Variants in RNF144A observed in about 807,000 individuals in gnomAD.
RNF144A encodes the protein ring finger protein 144A.
In RNF144A, 11 loss-of-function variants were observed where a neutral mutation model predicts 38.7. The observed-to-expected ratio is 0.28, with a 90% CI of 0.18 to 0.47. The LOEUF (loss-of-function observed/expected upper bound fraction) is 0.47. Ranked by LOEUF, RNF144A falls within the 20% of genes least tolerant of loss-of-function variation. The probability of loss-of-function intolerance (pLI) is 0.99; values close to 1 mark genes in which losing one functional copy is unlikely to be tolerated. For synonymous variants in RNF144A, 149 were observed against 143.9 expected (o/e 1.04, Z -0.25); for missense variants, 316 against 377.2 (o/e 0.84, Z 1.34).
At chr2:6,960,779 C>T (rs908361621) in intron 2 of RNF144A, among the ~76,000 whole-genome samples, 12 of 152,206 alleles carry the variant, frequency 7.9e-5, no homozygotes, top group Admixed American at 3.3e-4. Context: ...TCTCCTTCAC[C>T]GCAGACAGGC....
chr2:6,983,825 C>G (rs1335282936), intron 2 of RNF144A, among the ~76,000 whole-genome samples: 1 of 152,214 alleles, frequency 6.6e-6, no homozygotes, highest in Non-Finnish European at 1.5e-5. Flanking sequence ...CCCCAGATGT[C>G]TCAGATGGCA....
chr2:6,949,460 T>C (rs1572247508), intron 2 of RNF144A, among the ~76,000 whole-genome samples: 1 of 148,152 alleles, frequency 6.7e-6, no homozygotes, highest in Non-Finnish European at 1.5e-5. Flanking sequence ...AGAGAATAAA[T>C]TGAAAGTGCA....
At chr2:7,028,633 A>G (rs1672079219) in intron 7 of RNF144A, among the ~76,000 whole-genome samples, 1 of 152,220 alleles carries the variant, frequency 6.6e-6, no homozygotes, top group African/African-American at 2.4e-5. Flanking sequence ...TGGAAAATGG[A>G]GACATACAAA....
chr2:7,070,060 A>G (rs551938681), downstream of RNF144A, among the ~76,000 whole-genome samples: 2 of 152,226 alleles, frequency 1.3e-5, no homozygotes, highest in East Asian at 1.9e-4. Context: ...GGATGTCCCA[A>G]TATTAACCAG....
intron 2 of RNF144A, among the ~76,000 whole-genome samples, chr2:6,942,300 A>C (rs1666048653): frequency 1.3e-5 from 2 of 152,064 alleles, no homozygotes; most frequent in South Asian, 4.2e-4. Flanking sequence ...GCTAGAGTCC[A>C]GGATACCATC....
chr2:6,948,348 CAGAGGTCT>C (rs1447262035), intron 2 of RNF144A, among the ~76,000 whole-genome samples: 8 of 152,312 alleles, frequency 5.3e-5, no homozygotes, highest in South Asian at 2.1e-4. Flanking sequence ...GGATCCTGCC[CAGAGGTCT>C]AGGGACACAT....
At chr2:6,928,556 C>T (rs1270018785) in intron 1 of RNF144A, among the ~76,000 whole-genome samples, 1 of 152,206 alleles carries the variant, frequency 6.6e-6, no homozygotes, top group Non-Finnish European at 1.5e-5. Flanking sequence ...AGACGTGCCC[C>T]CAGGCCACCA....
intron 1 of RNF144A, among the ~76,000 whole-genome samples, chr2:6,929,024 A>G (rs1665054641): frequency 6.6e-6 from 1 of 152,210 alleles, no homozygotes; most frequent in Admixed American, 6.5e-5. Context: ...CTTGGTGCCA[A>G]GGGCCTTTGA....
chr2:7,019,569 A>G (rs1041128926), intron 5 of RNF144A, among the ~76,000 whole-genome samples: 2 of 152,200 alleles, frequency 1.3e-5, no homozygotes, highest in African/African-American at 4.8e-5. Context: ...ACGCCTTTGG[A>G]AATAGCCCAC....
At chr2:7,062,975 C>G (rs933770884) in intron 6 of RNF144A, 1 of 152,154 alleles carries the variant, frequency 6.6e-6, no homozygotes, top group African/African-American at 2.4e-5. Context: ...ATATTTTTGA[C>G]CTGAGTACTG....
intron 8 of RNF144A, among the ~76,000 whole-genome samples, chr2:7,033,155 C>T (rs1002986910): frequency 6.6e-6 from 1 of 152,258 alleles, no homozygotes; most frequent in Non-Finnish European, 1.5e-5. Flanking sequence ...GGGTGCCAAG[C>T]CTCCCACATA....
chr2:7,021,967 T>A (rs1671563069), intron 6 of RNF144A, among the ~76,000 whole-genome samples: 1 of 152,220 alleles, frequency 6.6e-6, no homozygotes, highest in African/African-American at 2.4e-5. Context: ...AATTCAGAAA[T>A]CTCATTTTGT....
downstream of RNF144A, among the ~76,000 whole-genome samples, chr2:7,046,968 A>G (rs544463305): frequency 3.8e-4 from 58 of 152,354 alleles, no homozygotes; most frequent in African/African-American, 1.4e-3. Flanking sequence ...AGATCCAACA[A>G]GGGGTAGTCT....
chr2:7,016,614 GTT>G (rs55964355), intron 5 of RNF144A, among the ~76,000 whole-genome samples: 114,936 of 148,580 alleles, frequency 0.77, 44,515 homozygotes, highest in South Asian at 0.91. Context: ...TATGTTCAAA[GTT>G]TTTTTTTTTT....
intron 2 of RNF144A, among the ~76,000 whole-genome samples, chr2:6,968,189 C>T (rs1017285813): frequency 6.6e-6 from 1 of 152,198 alleles, no homozygotes; most frequent in Admixed American, 6.5e-5. Context: ...TCCTCAAGGA[C>T]CTTCTCTTCT....
In RNF144A at chr2:6,976,437, C is replaced by G. The variant is rs140470754; in HGVS notation, c.-11-20479C>G. On this transcript the variant is annotated intron_variant, in intron 2 of 8. Transcript: ENST00000320892. Reference sequence around the variant, plus strand: ...TTTTTATTCAATTGTTGCTCTTTTACTTCTCAATTTATAAAGTTATGTATG... The same window carrying G: ...TTTTTATTCAATTGTTGCTCTTTTAGTTCTCAATTTATAAAGTTATGTATG... Among the ~76,000 whole-genome samples, 907 of 150,610 alleles carry G rather than the reference C, an allele frequency of 6.0e-3. 15 individuals carry two copies. The highest frequency in any genetic ancestry group is 0.021 in the African/African-American group (869 of 41,156).
chr2:6,969,023 T>C (rs1667842242), intron 2 of RNF144A, among the ~76,000 whole-genome samples: 1 of 152,244 alleles, frequency 6.6e-6, no homozygotes, highest in Admixed American at 6.5e-5. Context: ...TCCAGGGCTA[T>C]AGCCAATAGG....
intron 2 of RNF144A, among the ~76,000 whole-genome samples, chr2:6,963,826 G>A (rs1335132393): frequency 6.6e-6 from 1 of 152,150 alleles, no homozygotes; most frequent in Non-Finnish European, 1.5e-5. Context: ...CTCCTCTCAG[G>A]CAGCTGCAAA....
chr2:7,035,468 T>C (rs1445195417), intron 8 of RNF144A, among the ~76,000 whole-genome samples: 1 of 152,212 alleles, frequency 6.6e-6, no homozygotes, highest in East Asian at 1.9e-4. Context: ...ACCAAATTGC[T>C]TTCCCGTCCT....
Sources: gnomAD v4.1 joint callset for allele counts (sites outside exome capture counted in the v4.1 genomes callset) on GRCh38, gnomAD v4.1.1 for gene constraint, MANE v1.5 for transcripts, NCBI Gene and HGNC (gene_info 2026-07-23, HGNC 2026-07-21) for gene names.